Variants in CHCHD6 observed in about 807,000 individuals in gnomAD.
CHCHD6 encodes coiled-coil-helix-coiled-coil-helix domain containing 6.
Under a neutral mutation model 32.3 loss-of-function variants are expected in CHCHD6, and 28 were observed. The observed-to-expected ratio is 0.87, with a 90% CI of 0.64 to 1.19. The LOEUF (loss-of-function observed/expected upper bound fraction) is 1.19. Among genes scored for constraint, CHCHD6 ranks in the 50% most tolerant of loss-of-function variants. CHCHD6 has a pLI of 0.00. For missense variants in CHCHD6, 333 were observed against 307.0 expected (o/e 1.08, Z -0.63); for synonymous variants, 122 against 117.5 (o/e 1.04, Z -0.25).
intron 1 of CHCHD6, among the ~76,000 whole-genome samples, chr3:126,726,673 C>T (rs1935550893): frequency 6.6e-6 from 1 of 152,174 alleles, no homozygotes; most frequent in Non-Finnish European, 1.5e-5. Flanking sequence ...CATTGAGATA[C>T]CTCCAAAGAA....
intron 4 of CHCHD6, among the ~76,000 whole-genome samples, chr3:126,843,709 T>C (rs1158347943): frequency 6.6e-6 from 1 of 152,214 alleles, no homozygotes; most frequent in Non-Finnish European, 1.5e-5. Flanking sequence ...ATTTTTCCAC[T>C]ACCACTGTCT....
intron 4 of CHCHD6, among the ~76,000 whole-genome samples, chr3:126,751,788 G>A (rs1177055725): frequency 1.3e-5 from 2 of 152,112 alleles, no homozygotes; most frequent in African/African-American, 4.8e-5. Flanking sequence ...ATCCTCTGTT[G>A]TCCCTGCTGG....
intron 1 of CHCHD6, among the ~76,000 whole-genome samples, chr3:126,707,593 A>G (rs2107648348): frequency 6.6e-6 from 1 of 152,272 alleles, no homozygotes; most frequent in South Asian, 2.1e-4. Flanking sequence ...GCTTGTGAGC[A>G]TCCAGACTGC....
At chr3:126,756,334 G>A (rs944169759) in intron 4 of CHCHD6, among the ~76,000 whole-genome samples, 26 of 152,176 alleles carry the variant, frequency 1.7e-4, no homozygotes, top group African/African-American at 5.1e-4. Context: ...TTATTAAAAC[G>A]CTTCTCCTTT....
chr3:126,895,265 G>A (rs150509211), intron 5 of CHCHD6, among the ~76,000 whole-genome samples: 36 of 152,302 alleles, frequency 2.4e-4, no homozygotes, highest in Middle Eastern at 3.4e-3. Flanking sequence ...GTGACTTGCC[G>A]GAGGGCACAG....
chr3:126,846,252 T>C (rs927410872), intron 4 of CHCHD6, among the ~76,000 whole-genome samples: 2 of 152,192 alleles, frequency 1.3e-5, no homozygotes, highest in African/African-American at 4.8e-5. Flanking sequence ...TGCCCAGTGC[T>C]AACAGCTTTT....
At chr3:126,950,630 T>C (rs1448564146) in intron 6 of CHCHD6, among the ~76,000 whole-genome samples, 1 of 152,176 alleles carries the variant, frequency 6.6e-6, no homozygotes, top group Non-Finnish European at 1.5e-5. Flanking sequence ...TGTGTATTTT[T>C]AGTAGAGATG....
intron 5 of CHCHD6, among the ~76,000 whole-genome samples, chr3:126,895,557 A>AT (rs2077826307): frequency 6.6e-6 from 1 of 152,262 alleles, no homozygotes; most frequent in Non-Finnish European, 1.5e-5. Context: ...TCAAGTTCCC[A>AT]TGAAAGGCCC....
intron 5 of CHCHD6, among the ~76,000 whole-genome samples, chr3:126,871,603 T>C (rs2107567638): frequency 6.6e-6 from 1 of 151,762 alleles, no homozygotes; most frequent in South Asian, 2.1e-4. Context: ...GGCAAGGTCA[T>C]GATTTTTAGG....
rs569519802 is a variant in CHCHD6 at position 126,955,483 on chromosome 3, G to A, written c.567-1933G>A. Among the ~76,000 whole-genome samples the A allele has an allele frequency of 9.0e-4, 137 of 152,362 alleles. 1 individual carries two copies. Among genetic ancestry groups the A allele is most frequent in the African/African-American group, 3.2e-3 (135 of 41,588 alleles). On this transcript the variant is annotated intron_variant, in intron 6 of 7. Transcript: ENST00000290913. Reference sequence around the variant, plus strand: ...ATTGTGACCTCAATGGCTAGGATGGGGTGGAATTCAAGGACCCAGGCCAGG... The same window carrying A: ...ATTGTGACCTCAATGGCTAGGATGGAGTGGAATTCAAGGACCCAGGCCAGG...
chr3:126,905,096 C>A lies in CHCHD6; in HGVS notation c.496-9584C>A, dbSNP rs189489632. ...AGTCTGGAATGTGTCACATCCAGAACGAGCCAAGAAACAGCGCCTTCATTC... is the reference window on the plus strand; with the variant it reads ...AGTCTGGAATGTGTCACATCCAGAAAGAGCCAAGAAACAGCGCCTTCATTC... On this transcript the variant is annotated intron_variant, in intron 5 of 7. Coordinates refer to ENST00000290913, the MANE Select transcript of CHCHD6 (RefSeq NM_032343.3). 1.4e-4 allele frequency among the ~76,000 whole-genome samples: 21 copies of A among 152,186 alleles called. 2 individuals carry two copies. In the South Asian group the frequency reaches 4.2e-3, roughly 30 times the overall value.
At position 126,945,991 on chromosome 3, in the gene CHCHD6, G is replaced by T. The variant is rs532037928; in HGVS notation, c.567-11425G>T. On this transcript the variant is annotated intron_variant, in intron 6 of 7. Coordinates refer to ENST00000290913, the MANE Select transcript of CHCHD6 (RefSeq NM_032343.3). ...AGTGCCAGTTGGGTGACAGCTCCCT[G>T]CTTTGTTGAGGACCCAGTGCTGAGG... Among the ~76,000 whole-genome samples, 7 of 152,176 alleles carry T rather than the reference G, an allele frequency of 4.6e-5. No individual in the cohort carries two copies. In the South Asian group the frequency reaches 1.5e-3, roughly 32 times the overall value.
intron 5 of CHCHD6, among the ~76,000 whole-genome samples, chr3:126,879,015 G>A (rs1299021151): frequency 5.9e-5 from 9 of 152,196 alleles, no homozygotes; most frequent in Admixed American, 5.9e-4. Context: ...GCTGGCTGTC[G>A]GTTGGGACCT....
At chr3:126,912,380 G>T (rs1327358400) in intron 5 of CHCHD6, among the ~76,000 whole-genome samples, 1 of 152,150 alleles carries the variant, frequency 6.6e-6, no homozygotes, top group Non-Finnish European at 1.5e-5. Flanking sequence ...TCGAGGCAAA[G>T]ACGTAATCTC....
intron 4 of CHCHD6, among the ~76,000 whole-genome samples, chr3:126,767,786 C>A (rs1194133411): frequency 3.3e-5 from 5 of 152,048 alleles, no homozygotes; most frequent in Non-Finnish European, 1.5e-5. Flanking sequence ...TCTGTTATTC[C>A]CCTCCTAGTA....
chr3:126,897,803 TTCCCTTCCCTG>T (rs2077862662), intron 5 of CHCHD6, among the ~76,000 whole-genome samples: 1 of 152,212 alleles, frequency 6.6e-6, no homozygotes, highest in Non-Finnish European at 1.5e-5. Context: ...TGGAATGCTG[TTCCCTTCCCTG>T]TCCCTTCCCT....
chr3:126,736,938 T>C (rs553993629), intron 4 of CHCHD6, among the ~76,000 whole-genome samples: 27 of 152,184 alleles, frequency 1.8e-4, no homozygotes, highest in Non-Finnish European at 3.5e-4. Context: ...AGGCTTTATT[T>C]TAGGTGAGAA....
At chr3:126,782,738 A>C (rs1938006295) in intron 4 of CHCHD6, among the ~76,000 whole-genome samples, 1 of 152,280 alleles carries the variant, frequency 6.6e-6, no homozygotes, top group South Asian at 2.1e-4. Context: ...ATTCCTGAGC[A>C]AGTCACACCC....
In CHCHD6 at chr3:126,765,013, G is replaced by A. The variant is rs1290652199; in HGVS notation, c.411+31791G>A. Among the ~76,000 whole-genome samples the A allele has an allele frequency of 7.2e-5, 11 of 152,228 alleles. No individual in the cohort carries two copies. The Middle Eastern group carries it at 0.024, about 329-fold the overall frequency. On this transcript the variant is annotated intron_variant, in intron 4 of 7. Transcript: ENST00000290913. ...ACACTGCTACGTGCCCTCCAAGGGC[G>A]GGAGTCACGGTAAGGAGTGACTGGG...
Sources: gnomAD v4.1 joint callset for allele counts (sites outside exome capture counted in the v4.1 genomes callset) on GRCh38, gnomAD v4.1.1 for gene constraint, MANE v1.5 for transcripts, NCBI Gene and HGNC (gene_info 2026-07-23, HGNC 2026-07-21) for gene names.